The following RGS7 variants were observed in gnomAD, a reference collection of about 807,000 sequenced individuals.
The protein encoded by RGS7 is regulator of G-protein signaling 7.
Under a neutral mutation model 81.1 loss-of-function variants are expected in RGS7, and 27 were observed. The observed-to-expected ratio is 0.33, with a 90% CI of 0.25 to 0.46. The LOEUF (loss-of-function observed/expected upper bound fraction) is 0.46, where lower values mean the gene tolerates loss of function less well. Ranked by LOEUF, RGS7 falls within the 20% of genes least tolerant of loss-of-function variation. The probability of loss-of-function intolerance (pLI) is 1.00; values close to 1 mark genes in which losing one functional copy is unlikely to be tolerated. For missense variants in RGS7, 396 were observed against 607.4 expected (o/e 0.65, Z 3.66); for synonymous variants, 208 against 207.7 (o/e 1.00, Z -0.01).
chr1:241,302,761 A>G (rs1448448399), intron 2 of RGS7, among the ~76,000 whole-genome samples: 1 of 151,966 alleles, frequency 6.6e-6, no homozygotes, highest in Non-Finnish European at 1.5e-5. Context: ...TTTCATTTAC[A>G]CTCTCTACCC....
chr1:241,225,624 G>T (rs141781654), intron 2 of RGS7, among the ~76,000 whole-genome samples: 2 of 152,148 alleles, frequency 1.3e-5, no homozygotes, highest in South Asian at 4.1e-4. Flanking sequence ...CTTTTAGAGA[G>T]ATATTACAGG....
At chr1:241,344,699 A>C (rs1300945056) in intron 2 of RGS7, among the ~76,000 whole-genome samples, 4 of 152,220 alleles carry the variant, frequency 2.6e-5, no homozygotes, top group African/African-American at 9.6e-5. Context: ...GAATTAGAAA[A>C]GCCTGATTGA....
intron 4 of RGS7, among the ~76,000 whole-genome samples, chr1:240,961,396 C>T (rs763395231): frequency 2.0e-5 from 3 of 152,164 alleles, no homozygotes; most frequent in Admixed American, 6.6e-5. Context: ...TGAATAACAT[C>T]AATGTATCCA....
intron 2 of RGS7, among the ~76,000 whole-genome samples, chr1:241,157,973 C>A (rs1259356834): frequency 2.0e-5 from 3 of 151,814 alleles, no homozygotes; most frequent in African/African-American, 7.2e-5. Flanking sequence ...CCCGCCACCA[C>A]GCCTGGCTAA....
rs1183147714 is a variant in RGS7, at chr1:240,816,450, A to G, written c.685-35T>C. The G allele has an allele frequency of 2.2e-6, 3 of 1,351,144 alleles. No individual in the cohort carries two copies. The South Asian group carries it at 3.5e-5, about 16-fold the overall frequency. The allele number at this position is 1,351,144 out of a possible 1,614,324, so 83.7% of individuals were successfully genotyped here. A position where few individuals can be genotyped will look rare whatever the true frequency, so the allele number is the denominator to read the frequency against. On this transcript the variant is annotated intron_variant, in intron 10 of 18. Coordinates refer to ENST00000440928, the MANE Select transcript of RGS7 (RefSeq NM_001364886.1). ...AATAAAAAATAAACATTTTAGGACA[A>G]AATACCGTTTACAGTCACAGACTTT...
At chr1:241,289,016 A>C (rs1365716228) in intron 2 of RGS7, among the ~76,000 whole-genome samples, 1 of 152,228 alleles carries the variant, frequency 6.6e-6, no homozygotes, top group East Asian at 1.9e-4. Flanking sequence ...GTCTCTGCAA[A>C]TGCCCAGGCT....
chr1:241,305,661 C>T (rs2080055014), intron 2 of RGS7: 1 of 155,538 alleles, frequency 6.4e-6, no homozygotes, highest in Non-Finnish European at 1.4e-5. Context: ...GGGAAGTGTG[C>T]CCCCCACCCT....
chr1:240,848,486 CA>C, intron 9 of RGS7, among the ~76,000 whole-genome samples: 1 of 151,668 alleles, frequency 6.6e-6, no homozygotes, highest in African/African-American at 2.4e-5. Flanking sequence ...ATAATAAGAC[CA>C]AAAAATAATA....
intron 2 of RGS7, among the ~76,000 whole-genome samples, chr1:241,338,052 G>C (rs953785802): frequency 1.4e-4 from 21 of 152,230 alleles, no homozygotes; most frequent in South Asian, 1.2e-3. Flanking sequence ...CAGAATGTGA[G>C]ATTTTTAAAA....
At chr1:241,138,177 C>CAAAAAAAAAAAA (rs57697166) in intron 2 of RGS7, among the ~76,000 whole-genome samples, 2 of 115,410 alleles carry the variant, frequency 1.7e-5, no homozygotes. Context: ...ATCTCAAAAA[C>CAAAAAAAAAAAA]AAAAAAAAAA....
At chr1:240,954,589 A>G (rs1680059249) in intron 4 of RGS7, among the ~76,000 whole-genome samples, 1 of 152,094 alleles carries the variant, frequency 6.6e-6, no homozygotes, top group African/African-American at 2.4e-5. Context: ...CTAGGATCAG[A>G]GGAGAACTTT....
chr1:240,962,307 C>T (rs1681590451), intron 4 of RGS7, among the ~76,000 whole-genome samples: 1 of 152,164 alleles, frequency 6.6e-6, no homozygotes, highest in African/African-American at 2.4e-5. Flanking sequence ...CTATCTTTCT[C>T]TCCGGCTCCT....
intron 2 of RGS7, among the ~76,000 whole-genome samples, chr1:241,137,879 A>T (rs2067634159): frequency 6.6e-6 from 1 of 152,210 alleles, no homozygotes; most frequent in Non-Finnish European, 1.5e-5. Context: ...CAAAGAAATT[A>T]GGGAATAATG....
chr1:241,072,007 AATT>A (rs1166843881), intron 3 of RGS7, among the ~76,000 whole-genome samples: 1 of 151,844 alleles, frequency 6.6e-6, no homozygotes, highest in African/African-American at 2.4e-5. Context: ...AGTAAGTTGG[AATT>A]ATTAGTTTTT....
chr1:241,175,490 A>G lies in RGS7; in HGVS notation c.79-76728T>C, dbSNP rs116794905. Among the ~76,000 whole-genome samples, 1,242 of 152,332 alleles carry G rather than the reference A, an allele frequency of 8.2e-3. 22 individuals are homozygous for G. Among genetic ancestry groups the G allele is most frequent in the African/African-American group, 0.028 (1,180 of 41,574 alleles). On this transcript the variant is annotated intron_variant, in intron 2 of 18. Coordinates refer to ENST00000440928, the MANE Select transcript of RGS7 (RefSeq NM_001364886.1). ...GAAGAGGTCAACCACTGCAGAGGGA[A>G]GACCAGGCTTTATTCCAAGGTTTAT...
intron 3 of RGS7, among the ~76,000 whole-genome samples, chr1:240,985,371 T>C (rs1685498667): frequency 6.6e-6 from 1 of 152,182 alleles, no homozygotes; most frequent in South Asian, 2.1e-4. Context: ...TTGTGAAAAA[T>C]GACTTGAAAA....
intron 6 of RGS7, among the ~76,000 whole-genome samples, chr1:240,910,935 G>C (rs1203686904): frequency 2.0e-5 from 3 of 152,076 alleles, no homozygotes; most frequent in Non-Finnish European, 2.9e-5. Context: ...GGTCAGGCCA[G>C]GCAATGATCC....
intron 2 of RGS7, among the ~76,000 whole-genome samples, chr1:241,148,896 T>G (rs963097507): frequency 3.3e-5 from 5 of 152,280 alleles, no homozygotes; most frequent in African/African-American, 9.6e-5. Flanking sequence ...CTGTAGAGTT[T>G]ATAACATCTT....
intron 3 of RGS7, among the ~76,000 whole-genome samples, chr1:241,017,801 T>C (rs2059339596): frequency 6.6e-6 from 1 of 152,170 alleles, no homozygotes; most frequent in African/African-American, 2.4e-5. Flanking sequence ...GTTTTTGGTT[T>C]TGTTTTGCTG....
Sources: gnomAD v4.1 joint callset for allele counts (sites outside exome capture counted in the v4.1 genomes callset) on GRCh38, gnomAD v4.1.1 for gene constraint, MANE v1.5 for transcripts, NCBI Gene and HGNC (gene_info 2026-07-23, HGNC 2026-07-21) for gene names.